ST7: variants seen among roughly 807,000 people sequenced by gnomAD.
ST7 encodes the protein suppression of tumorigenicity 7.
A neutral mutation model predicts 78.7 loss-of-function variants in ST7; 28 were observed. That is an observed-to-expected ratio of 0.36 (90% CI 0.26 to 0.49). The LOEUF (loss-of-function observed/expected upper bound fraction) is 0.49. Among genes scored for constraint, ST7 ranks in the 20% least tolerant of loss-of-function variants. The pLI, the probability that ST7 is intolerant of heterozygous loss-of-function variation, is 0.99. For missense variants in ST7, 418 were observed against 696.0 expected (o/e 0.60, Z 4.49); for synonymous variants, 247 against 249.6 (o/e 0.99, Z 0.10).
At chr7:117,189,414 G>A (rs923198078) in intron 11 of ST7, 21 bp downstream of exon 11, 15 of 1,575,940 alleles carry the variant, frequency 9.5e-6, no homozygotes, top group Middle Eastern at 1.7e-4. Context: ...AATAGTTTGC[G>A]CGGTACTAAT....
chr7:117,166,745 CGGGCATGGTGGT>C (rs1484920315), intron 9 of ST7, among the ~76,000 whole-genome samples: 1 of 151,890 alleles, frequency 6.6e-6, no homozygotes, highest in Non-Finnish European at 1.5e-5. Context: ...AAAAATTAGC[CGGGCATGGTGGT>C]GGGCGCCTGT....
At chr7:117,053,426 CCCT>C (rs1797895536) in intron 1 of ST7, among the ~76,000 whole-genome samples, 1 of 152,190 alleles carries the variant, frequency 6.6e-6, no homozygotes. Context: ...GGGATCTTTG[CCCT>C]CCTCCTTTGA....
At chr7:117,061,475 A>T (rs943804460) in intron 1 of ST7, among the ~76,000 whole-genome samples, 2 of 152,190 alleles carry the variant, frequency 1.3e-5, no homozygotes, top group African/African-American at 4.8e-5. Context: ...AAGTAATTTG[A>T]TGCAAATTAT....
chr7:117,162,430 G>C (rs1386951612), intron 9 of ST7, among the ~76,000 whole-genome samples: 4 of 151,374 alleles, frequency 2.6e-5, no homozygotes, highest in Admixed American at 1.3e-4. Context: ...TGTCATATAA[G>C]TATACCCCAT....
At chr7:117,118,425 A>G (rs1803076089) in intron 2 of ST7, 1 of 152,272 alleles carries the variant, frequency 6.6e-6, no homozygotes, top group Non-Finnish European at 1.5e-5. Context: ...CTGGTCATTC[A>G]TAAATGTTCC....
chr7:117,125,932 C>G (rs1385196200), intron 3 of ST7, among the ~76,000 whole-genome samples: 1 of 151,930 alleles, frequency 6.6e-6, no homozygotes, highest in Non-Finnish European at 1.5e-5. Context: ...GGACACCAGG[C>G]CTTAATCTCA....
chr7:117,062,246 GC>G (rs1798396973), intron 1 of ST7, among the ~76,000 whole-genome samples: 1 of 152,084 alleles, frequency 6.6e-6, no homozygotes, highest in African/African-American at 2.4e-5. Context: ...CCTCCCAAAG[GC>G]CCCATCTCCA....
At chr7:117,187,263 G>A (rs1809349890) in intron 10 of ST7, among the ~76,000 whole-genome samples, 1 of 152,162 alleles carries the variant, frequency 6.6e-6, no homozygotes, top group African/African-American at 2.4e-5. Context: ...AGCATAAAAA[G>A]ATAAGTAGAA....
intron 3 of ST7, among the ~76,000 whole-genome samples, chr7:117,120,975 A>C (rs941525168): frequency 6.6e-6 from 1 of 152,228 alleles, no homozygotes; most frequent in African/African-American, 2.4e-5. Flanking sequence ...ATTTAGATCA[A>C]GTAGAGAGAG....
chr7:117,149,789 T>A (rs1458440211), intron 9 of ST7, among the ~76,000 whole-genome samples: 1 of 152,130 alleles, frequency 6.6e-6, no homozygotes, highest in African/African-American at 2.4e-5. Context: ...GGCTAAATGT[T>A]AACATTTAAA....
intron 1 of ST7, among the ~76,000 whole-genome samples, chr7:117,095,932 G>A (rs1359442826): frequency 6.6e-6 from 1 of 151,854 alleles, no homozygotes; most frequent in African/African-American, 2.4e-5. Flanking sequence ...GCCAGGTGTG[G>A]TGGCAGGTGC....
intron 1 of ST7, among the ~76,000 whole-genome samples, chr7:117,078,232 C>T (rs1053226167): frequency 1.3e-5 from 2 of 152,222 alleles, no homozygotes; most frequent in African/African-American, 4.8e-5. Context: ...TAGTTTTATA[C>T]AACTGGCATC....
intron 1 of ST7, among the ~76,000 whole-genome samples, chr7:117,092,135 G>T (rs1800662953): frequency 6.6e-6 from 1 of 151,922 alleles, no homozygotes; most frequent in Non-Finnish European, 1.5e-5. Context: ...GTCACATAAA[G>T]TTATGAATAA....
chr7:117,167,554 A>G (rs1807668982), intron 9 of ST7, among the ~76,000 whole-genome samples: 1 of 151,932 alleles, frequency 6.6e-6, no homozygotes, highest in South Asian at 2.1e-4. Flanking sequence ...AACTGTCAGG[A>G]AGACAGTTGG....
chr7:117,102,139 T>C (rs1801608241), intron 2 of ST7, among the ~76,000 whole-genome samples: 1 of 152,220 alleles, frequency 6.6e-6, no homozygotes, highest in Non-Finnish European at 1.5e-5. Flanking sequence ...GTGTCCTTCT[T>C]ACTTTTTAAC....
intron 1 of ST7, chr7:117,098,682 G>T: frequency 3.6e-6 from 3 of 823,300 alleles, no homozygotes; most frequent in South Asian, 4.5e-5. Context: ...TGCTTTCTGG[G>T]CTGAGCTCAG....
chr7:117,176,015 C>T (rs551461473), intron 10 of ST7, among the ~76,000 whole-genome samples: 4 of 152,214 alleles, frequency 2.6e-5, no homozygotes, highest in Non-Finnish European at 5.9e-5. Flanking sequence ...TTTATCTAAA[C>T]TTTTGGAAAG....
rs377623697 is a variant in ST7, at chr7:117,079,362, T to C, written c.152-20400T>C. 3.5e-4 allele frequency among the ~76,000 whole-genome samples: 54 copies of C among 152,346 alleles called. No homozygotes were observed. The East Asian group carries it at 5.2e-3, about 15-fold the overall frequency. On this transcript the variant is annotated intron_variant, in intron 1 of 15. Coordinates refer to ENST00000323984, the MANE Select transcript of ST7 (RefSeq NM_001369598.1). ...GGGGATTCCTAGAACCAGTCCTCCA[T>C]GGGTATTGAGGGACAACTATAATTT...
chr7:117,127,116 G>A (rs533801797), intron 3 of ST7, among the ~76,000 whole-genome samples: 5 of 151,922 alleles, frequency 3.3e-5, no homozygotes, highest in Non-Finnish European at 7.4e-5. Context: ...CATCTTGAGG[G>A]CATTAAAATT....
Sources: allele counts gnomAD v4.1 joint callset (sites outside exome capture counted in the v4.1 genomes callset), GRCh38; gene constraint gnomAD v4.1.1; transcripts MANE v1.5; gene names NCBI Gene and HGNC (gene_info 2026-07-23, HGNC 2026-07-21).